The following EFCAB10 variants were observed in gnomAD, a reference collection of about 807,000 sequenced individuals.
The protein encoded by EFCAB10 is EF-hand calcium binding domain 10, also known as EF-hand calcium-binding domain-containing protein 10.
EFCAB10 carries 7 observed loss-of-function variants against 7.7 expected under a neutral mutation model. The ratio of observed to expected loss-of-function variants is 0.91; its 90% CI spans 0.52 to 1.72. The LOEUF is 1.72. Ranked by LOEUF, EFCAB10 falls within the 40% of genes most tolerant of loss-of-function variation. EFCAB10 has a pLI of 0.00. For synonymous variants in EFCAB10, 52 were observed against 21.0 expected (o/e 2.47, Z -4.03); for missense variants, 112 against 61.5 (o/e 1.82, Z -2.74).
At chr7:105,565,925 G>GAATA (rs148318361) in intron 4 of EFCAB10, among the ~76,000 whole-genome samples, 15,661 of 152,132 alleles carry the variant, frequency 0.1, 858 homozygotes, top group Admixed American at 0.13. Context: ...GTTACTGGAG[G>GAATA]AATAAATAGA....
intron 1 of EFCAB10, chr7:105,573,410 T>G (rs1221490775): frequency 6.6e-6 from 1 of 152,236 alleles, no homozygotes; most frequent in African/African-American, 2.4e-5. Context: ...TAATGGAACT[T>G]GGTGTACCAC....
chr7:105,565,336 G>A lies in EFCAB10; in HGVS notation c.*111C>T, dbSNP rs753092357. On this transcript the variant is annotated 3_prime_UTR_variant, in exon 5 of 5. Coordinates refer to ENST00000480514, the MANE Select transcript of EFCAB10 (RefSeq NM_001355526.2). ...GTGATGTCCCTGTCCAGTTCGGCTTGCCCGTTGCTGCTGACGTTACGAGAC... is the reference window on the plus strand; with the variant it reads ...GTGATGTCCCTGTCCAGTTCGGCTTACCCGTTGCTGCTGACGTTACGAGAC... The A allele has an allele frequency of 6.2e-7, 1 of 1,614,196 alleles. No homozygotes were observed. The highest frequency in any genetic ancestry group is 2.2e-5 in the East Asian group (1 of 44,892).
At position 105,565,396 on chromosome 7, in the gene EFCAB10, C is replaced by T. The variant is rs2133477561; in HGVS notation, c.*51G>A. 1.2e-6 allele frequency: 2 copies of T among 1,614,116 alleles called. No homozygotes were observed. The highest frequency in any genetic ancestry group is 2.2e-5 in the East Asian group (1 of 44,878). On this transcript the variant is annotated 3_prime_UTR_variant, in exon 5 of 5. Transcript: ENST00000480514. The stretch of plus-strand genomic sequence containing the variant: ...CAGTTGGAGCAGCAGCTTTGTTTCT[C>T]CTTATTTAAAATTTTCTGGCAAATG...
chr7:105,569,832 C>G (rs1586283694), intron 1 of EFCAB10, among the ~76,000 whole-genome samples: 1 of 151,866 alleles, frequency 6.6e-6, no homozygotes, highest in South Asian at 2.1e-4. Flanking sequence ...GAAAAACTCC[C>G]CAAGTGACTA....
Position 105,581,413 on chromosome 7 carries a change from A to G in EFCAB10, c.51T>C (p.His17=). The change falls in exon 1 of 5, where the codon CAT becomes CAC. Residue 17 remains histidine, a synonymous_variant. Coordinates refer to ENST00000480514, the MANE Select transcript of EFCAB10 (RefSeq NM_001355526.2). ...ELQAAEYLEK[H]QIKEVVSYLT... is the part of the protein sequence containing the mutation. ...GGTAGCTAACCACCTCCTTGATCTG[A>G]TGCTTTTCCAAATACTCCGCGGCTT... The G allele has an allele frequency of 1.4e-6, 1 of 703,032 alleles. No homozygotes were observed. Among genetic ancestry groups the G allele is most frequent in the East Asian group, 2.7e-5 (1 of 37,280 alleles). The allele number at this position is 703,032 out of a possible 1,614,324, so 43.5% of individuals were successfully genotyped here. A position where few individuals can be genotyped will look rare whatever the true frequency, so the allele number is the denominator to read the frequency against.
chr7:105,580,985 C>T (rs930813188), intron 1 of EFCAB10, among the ~76,000 whole-genome samples: 5 of 152,156 alleles, frequency 3.3e-5, no homozygotes, highest in Non-Finnish European at 4.4e-5. Flanking sequence ...TTTGAGGCGC[C>T]GAGGCGTGCA....
chr7:105,570,150 G>T (rs1214662350), intron 1 of EFCAB10, among the ~76,000 whole-genome samples: 1 of 135,356 alleles, frequency 7.4e-6, no homozygotes, highest in African/African-American at 2.7e-5. Flanking sequence ...GGAGGCAGAG[G>T]TTGCAGTGAG....
chr7:105,574,781 C>A (rs920355138), intron 1 of EFCAB10, among the ~76,000 whole-genome samples: 2 of 151,800 alleles, frequency 1.3e-5, no homozygotes, highest in Non-Finnish European at 2.9e-5. Flanking sequence ...CTGTGCCCAG[C>A]CAGAAACTCC....
At chr7:105,570,229 AAAAAAAAAAAAATAT>A (rs1207041293) in intron 1 of EFCAB10, among the ~76,000 whole-genome samples, 60 of 72,836 alleles carry the variant, frequency 8.2e-4, no homozygotes, top group African/African-American at 3.9e-3. Context: ...AAAAAAAAAA[AAAAAAAAAAAAATAT>A]ATATATATAT....
chr7:105,567,034 G>T, intron 4 of EFCAB10: 1 of 771,960 alleles, frequency 1.3e-6, no homozygotes. Flanking sequence ...GCAGTGCAGA[G>T]AAGCTGTTTA....
Position 105,580,742 on chromosome 7 carries a change from A to G in EFCAB10, c.106+616T>C, listed in dbSNP as rs577086154. 2.0e-5 allele frequency among the ~76,000 whole-genome samples: 3 copies of G among 152,242 alleles called. No individual in the cohort carries two copies. The South Asian group carries it at 6.2e-4, about 32-fold the overall frequency. On this transcript the variant is annotated intron_variant, in intron 1 of 4. Transcript: ENST00000480514. ...TCCATATGGAGGTCGGCAAATTACA[A>G]TTCTGCACCCTGGGGAGGACATAAA... is the stretch of plus-strand genomic sequence containing the variant.
At chr7:105,570,188 T>A (rs1167358627) in intron 1 of EFCAB10, among the ~76,000 whole-genome samples, 1 of 101,296 alleles carries the variant, frequency 9.9e-6, no homozygotes, top group Non-Finnish European at 1.8e-5. Flanking sequence ...CACTCCAGCC[T>A]GGGCAACAGA....
At chr7:105,580,871 A>G (rs1284452898) in intron 1 of EFCAB10, among the ~76,000 whole-genome samples, 1 of 152,162 alleles carries the variant, frequency 6.6e-6, no homozygotes. Flanking sequence ...AGTCAGGAAA[A>G]GCGATCCCCT....
At position 105,565,411 on chromosome 7, in the gene EFCAB10, T is replaced by G; in HGVS notation, c.*36A>C. The G allele has an allele frequency of 6.2e-7, 1 of 1,614,230 alleles. No individual in the cohort carries two copies. The highest frequency in any genetic ancestry group is 1.1e-5 in the South Asian group (1 of 91,082). On this transcript the variant is annotated 3_prime_UTR_variant, in exon 5 of 5. Transcript: ENST00000480514. ...CTTTGTTTCTCCTTATTTAAAATTT[T>G]CTGGCAAATGCTTGTAGAGAAGCTG...
intron 1 of EFCAB10, among the ~76,000 whole-genome samples, chr7:105,574,640 A>C (rs1229185129): frequency 6.6e-6 from 1 of 151,592 alleles, no homozygotes; most frequent in Non-Finnish European, 1.5e-5. Flanking sequence ...GCCCGCCACC[A>C]TGCCCGGCTA....
intron 1 of EFCAB10, chr7:105,572,235 T>A (rs1791970286): frequency 6.6e-6 from 1 of 152,218 alleles, no homozygotes; most frequent in South Asian, 2.1e-4. Context: ...CTCTTGAGCA[T>A]CATTTAACTC....
At chr7:105,576,071 A>T (rs1792071027) in intron 1 of EFCAB10, among the ~76,000 whole-genome samples, 1 of 152,216 alleles carries the variant, frequency 6.6e-6, no homozygotes, top group Non-Finnish European at 1.5e-5. Context: ...CTTCACAAAG[A>T]CACAGGATAA....
At position 105,565,334 on chromosome 7, in the gene EFCAB10, T is replaced by TTGCCCG; in HGVS notation, c.*107_*112dup. The TTGCCCG allele has an allele frequency of 6.2e-7, 1 of 1,614,270 alleles. No homozygotes were observed. Among genetic ancestry groups the TTGCCCG allele is most frequent in the Non-Finnish European group, 8.5e-7 (1 of 1,180,050 alleles). ...CAGTGATGTCCCTGTCCAGTTCGGCTTGCCCGTTGCTGCTGACGTTACGAG... is the reference window on the plus strand; with the variant it reads ...CAGTGATGTCCCTGTCCAGTTCGGCTTGCCCGTGCCCGTTGCTGCTGACGTTACGAG... On this transcript the variant is annotated 3_prime_UTR_variant, in exon 5 of 5. Transcript: ENST00000480514.
intron 1 of EFCAB10, among the ~76,000 whole-genome samples, chr7:105,578,624 T>C (rs765204707): frequency 1.2e-4 from 18 of 152,174 alleles, no homozygotes; most frequent in Non-Finnish European, 2.4e-4. Flanking sequence ...AAAAAGTTTC[T>C]GGAAAGAATA....
Sources: allele counts gnomAD v4.1 joint callset (sites outside exome capture counted in the v4.1 genomes callset), GRCh38; gene constraint gnomAD v4.1.1; transcripts MANE v1.5; gene names NCBI Gene and HGNC (gene_info 2026-07-23, HGNC 2026-07-21).